Variants in GALNT13 observed in about 807,000 individuals in gnomAD.
GALNT13 encodes polypeptide N-acetylgalactosaminyltransferase 13, also known as UDP-GalNAc:polypeptide N-acetylgalactosaminyltransferase 13.
Under a neutral mutation model 64.2 loss-of-function variants are expected in GALNT13, and 28 were observed. The observed-to-expected ratio is 0.44, with a 90% CI of 0.32 to 0.60. The LOEUF (loss-of-function observed/expected upper bound fraction) is 0.60, where lower values mean the gene tolerates loss of function less well. Among genes scored for constraint, GALNT13 ranks in the 20% least tolerant of loss-of-function variants. The pLI, the probability that GALNT13 is intolerant of heterozygous loss-of-function variation, is 0.05. For synonymous variants in GALNT13, 214 were observed against 224.6 expected (o/e 0.95, Z 0.42); for missense variants, 577 against 669.8 (o/e 0.86, Z 1.53).
the GALNT13 span, among the ~76,000 whole-genome samples, chr2:153,355,343 G>A: frequency 4.6e-5 from 7 of 152,132 alleles, no homozygotes; most frequent in East Asian, 1.4e-3. Flanking sequence ...TTCTGACTCC[G>A]ATCATATTTC....
chr2:153,540,181 G>A, the GALNT13 span, among the ~76,000 whole-genome samples: 1 of 152,190 alleles, frequency 6.6e-6, no homozygotes, highest in African/African-American at 2.4e-5. Flanking sequence ...GAGACTTGGT[G>A]TCCTGCATTC....
At chr2:153,925,601 A>G (rs1399230190) in intron 2 of GALNT13, among the ~76,000 whole-genome samples, 1 of 151,262 alleles carries the variant, frequency 6.6e-6, no homozygotes, top group Non-Finnish European at 1.5e-5. Context: ...AGGAATGTCA[A>G]TGGTAGTTTA....
chr2:154,100,597 TC>T (rs1702295907), intron 3 of GALNT13, among the ~76,000 whole-genome samples: 1 of 151,988 alleles, frequency 6.6e-6, no homozygotes, highest in South Asian at 2.1e-4. Context: ...TAGTCAGGAG[TC>T]CTTTGGAGGA....
chr2:153,253,949 C>T, the GALNT13 span, among the ~76,000 whole-genome samples: 2 of 152,160 alleles, frequency 1.3e-5, no homozygotes, highest in South Asian at 2.1e-4. Flanking sequence ...TGTGTCTCTG[C>T]CCGGCTTTAG....
intron 3 of GALNT13, among the ~76,000 whole-genome samples, chr2:154,055,923 A>G (rs1699872310): frequency 6.6e-6 from 1 of 152,108 alleles, no homozygotes; most frequent in South Asian, 2.1e-4. Context: ...AGATTTGGCT[A>G]TTCTCTCAAG....
the GALNT13 span, chr2:153,478,428 C>T: frequency 6.2e-7 from 1 of 1,614,044 alleles, no homozygotes; most frequent in Non-Finnish European, 8.5e-7. Context: ...TACGCTCGTC[C>T]GGGCCTCCCT....
the GALNT13 span, among the ~76,000 whole-genome samples, chr2:153,857,223 C>T: frequency 1.8e-4 from 28 of 151,914 alleles, no homozygotes; most frequent in Admixed American, 1.8e-3. Context: ...GAGTATTCAC[C>T]CTGTGAAAAT....
the GALNT13 span, among the ~76,000 whole-genome samples, chr2:153,316,084 C>T: frequency 9.4e-3 from 1,405 of 150,056 alleles, 18 homozygotes; most frequent in African/African-American, 0.033. Flanking sequence ...ACATATCCCA[C>T]GGAGTAGTGT....
In GALNT13 at chr2:154,356,747, A is replaced by ATTTTCAATC. The variant is rs1184606012; in HGVS notation, c.1157-39241_1157-39233dup. 3.9e-5 allele frequency among the ~76,000 whole-genome samples: 6 copies of ATTTTCAATC among 151,962 alleles called. No individual in the cohort carries two copies. In the South Asian group the frequency reaches 1.0e-3, roughly 26 times the overall value. ...CATATTTATTTGTTTCTTTAAATTG[A>ATTTTCAATC]TTTTCAATCTTCTTATACTTCTAAC... On this transcript the variant is annotated intron_variant, in intron 9 of 12. Coordinates refer to ENST00000392825, the MANE Select transcript of GALNT13 (RefSeq NM_052917.4).
chr2:153,789,201 T>C, the GALNT13 span, among the ~76,000 whole-genome samples: 1 of 152,174 alleles, frequency 6.6e-6, no homozygotes, highest in Admixed American at 6.5e-5. Context: ...CGCTGAAACA[T>C]GAAACAATCC....
the GALNT13 span, among the ~76,000 whole-genome samples, chr2:153,255,826 T>C: frequency 6.6e-6 from 1 of 152,248 alleles, no homozygotes; most frequent in Non-Finnish European, 1.5e-5. Context: ...GAGTTTCTGC[T>C]GAGAGATCAG....
chr2:153,139,522 G>T, the GALNT13 span, among the ~76,000 whole-genome samples: 1 of 151,984 alleles, frequency 6.6e-6, no homozygotes, highest in Non-Finnish European at 1.5e-5. Flanking sequence ...GGAAAAGATT[G>T]GCTGGGGCAT....
At chr2:154,142,315 C>G (rs923947715) in intron 4 of GALNT13, among the ~76,000 whole-genome samples, 6 of 151,734 alleles carry the variant, frequency 4.0e-5, no homozygotes, top group African/African-American at 1.5e-4. Context: ...TTTAGGAGGC[C>G]AAGGCAGGCG....
chr2:154,138,044 T>G (rs930610110), intron 3 of GALNT13, among the ~76,000 whole-genome samples: 1 of 152,006 alleles, frequency 6.6e-6, no homozygotes, highest in Non-Finnish European at 1.5e-5. Flanking sequence ...AACACTGGAA[T>G]GGACCTATGC....
intron 11 of GALNT13, among the ~76,000 whole-genome samples, chr2:154,429,460 G>A (rs1356211361): frequency 6.6e-6 from 1 of 152,170 alleles, no homozygotes; most frequent in Non-Finnish European, 1.5e-5. Flanking sequence ...TTCCACAGCA[G>A]GGCCCTAACT....
the GALNT13 span, among the ~76,000 whole-genome samples, chr2:153,385,907 A>G: frequency 3.9e-5 from 6 of 152,060 alleles, no homozygotes; most frequent in Admixed American, 6.6e-5. Flanking sequence ...AAATAAAGAT[A>G]GAGTAGGTAA....
At chr2:154,183,727 T>C (rs1367804441) in intron 4 of GALNT13, among the ~76,000 whole-genome samples, 2 of 151,900 alleles carry the variant, frequency 1.3e-5, no homozygotes, top group East Asian at 1.9e-4. Context: ...AACAAACAAA[T>C]TGAAAAAAAC....
the GALNT13 span, among the ~76,000 whole-genome samples, chr2:153,451,240 T>C: frequency 6.6e-6 from 1 of 152,240 alleles, no homozygotes; most frequent in East Asian, 1.9e-4. Flanking sequence ...TTATACATTT[T>C]AATCTAGTAA....
intron 3 of GALNT13, among the ~76,000 whole-genome samples, chr2:154,035,778 A>C (rs1698625944): frequency 6.6e-6 from 1 of 152,062 alleles, no homozygotes; most frequent in Non-Finnish European, 1.5e-5. Context: ...TTTCTAAGGT[A>C]TACTTTAGGA....
Sources: allele counts gnomAD v4.1 joint callset (sites outside exome capture counted in the v4.1 genomes callset), GRCh38; gene constraint gnomAD v4.1.1; transcripts MANE v1.5; gene names NCBI Gene and HGNC (gene_info 2026-07-23, HGNC 2026-07-21).